SERPINB1: variants seen among roughly 807,000 people sequenced by gnomAD.
The protein encoded by SERPINB1 is serpin family B member 1, also known as leukocyte elastase inhibitor.
In SERPINB1, 23 loss-of-function variants were observed where a neutral mutation model predicts 25.9. The ratio of observed to expected loss-of-function variants is 0.89; its 90% CI spans 0.64 to 1.26. SERPINB1 has a LOEUF of 1.26. Among genes scored for constraint, SERPINB1 ranks in the 50% most tolerant of loss-of-function variants. SERPINB1 has a pLI of 0.00. For synonymous variants in SERPINB1, 178 were observed against 178.7 expected, an observed-to-expected ratio of 1.00 and a Z score of 0.03; for missense variants, 399 against 463.6, an observed-to-expected ratio of 0.86 and a Z score of 1.28.
chr6:2,839,603 G>T, intron 2 of SERPINB1: 1 of 530,590 alleles, frequency 1.9e-6, no homozygotes, highest in Non-Finnish European at 2.4e-6. Flanking sequence ...ATCCCAGGCT[G>T]CACCTTGCCA....
rs1766515669 is a variant in SERPINB1 at position 2,837,210 on chromosome 6, T to G, written c.424+672A>C. On this transcript the variant is annotated intron_variant, in intron 4 of 6. Coordinates refer to ENST00000380739, the MANE Select transcript of SERPINB1 (RefSeq NM_030666.4). This position sits in a 1 kb window ranked among gnomAD's most constrained non-coding sequence, Gnocchi z 4.3. The stretch of plus-strand genomic sequence containing the variant: ...AGGTAATTTTTGGCAGGCTGAATTC[T>G]CCTCAAAATTTTAATTCCTTTTTTG... Among the ~76,000 whole-genome samples the G allele has an allele frequency of 6.6e-6, 1 of 152,214 alleles. No individual in the cohort carries two copies. Among genetic ancestry groups the G allele is most frequent in the Non-Finnish European group, 1.5e-5 (1 of 68,042 alleles).
Position 2,833,814 on chromosome 6 carries a change from C to G in SERPINB1, c.934G>C (p.Asp312His). 6.2e-7 allele frequency: 1 copy of G among 1,614,142 alleles called. No individual in the cohort carries two copies. Among genetic ancestry groups the G allele is most frequent in the Non-Finnish European group, 8.5e-7 (1 of 1,179,990 alleles). ...TGGACAATTTTTGATATAAAAATAT[C>G]TCTGGCTCCTGACATGCCAGACAGA... Reference protein sequence around the residue: ...ADLSGMSGARDIFISKIVHKS... With the variant: ...ADLSGMSGARHIFISKIVHKS... The change falls in exon 7 of 7, where the codon GAT becomes CAT. Residue 312 changes from aspartate (D) to histidine (H), a missense_variant. By Grantham distance (81) the Asp-to-His change is moderately conservative (BLOSUM62 -1). Coordinates refer to ENST00000380739, the MANE Select transcript of SERPINB1 (RefSeq NM_030666.4).
At position 2,836,095 on chromosome 6, in the gene SERPINB1, T is replaced by G. The variant is rs374289531; in HGVS notation, c.567+13A>C. 6.2e-6 allele frequency: 10 copies of G among 1,613,872 alleles called. No homozygotes were observed. The African/African-American group carries it at 1.2e-4, about 19-fold the overall frequency. ...AGAGCAATGCATGACTCTGTACAGT[T>G]ACCTCACCTCACCTTATTCAATCTG... On this transcript the variant is annotated intron_variant, in intron 5 of 6. Coordinates refer to ENST00000380739, the MANE Select transcript of SERPINB1 (RefSeq NM_030666.4).
intron 6 of SERPINB1, among the ~76,000 whole-genome samples, chr6:2,835,123 T>C (rs1766447271): frequency 6.6e-6 from 1 of 152,182 alleles, no homozygotes; most frequent in Non-Finnish European, 1.5e-5. Flanking sequence ...CCCTTCCTGA[T>C]AGCAAGGATG....
At chr6:2,836,941 G>C (rs1301767031) in intron 4 of SERPINB1, among the ~76,000 whole-genome samples, 1 of 152,202 alleles carries the variant, frequency 6.6e-6, no homozygotes, top group Non-Finnish European at 1.5e-5. Context: ...CCATAAGTAT[G>C]GCTGGGAACA....
At chr6:2,834,687 C>T (rs1766435396) in intron 6 of SERPINB1, among the ~76,000 whole-genome samples, 1 of 152,184 alleles carries the variant, frequency 6.6e-6, no homozygotes, top group Non-Finnish European at 1.5e-5. Flanking sequence ...TAAAATATTT[C>T]TTCTATTTAG....
intron 6 of SERPINB1, among the ~76,000 whole-genome samples, chr6:2,835,478 T>C (rs1235630173): frequency 6.6e-6 from 1 of 152,164 alleles, no homozygotes; most frequent in Non-Finnish European, 1.5e-5. Flanking sequence ...GTATTATATT[T>C]AGTATAGATC....
intron 2 of SERPINB1, chr6:2,839,227 G>A (rs1766579874): frequency 2.8e-6 from 2 of 709,738 alleles, no homozygotes; most frequent in African/African-American, 1.9e-5. Flanking sequence ...CCATGTATCA[G>A]TTACAAATCA....
intron 3 of SERPINB1, 23 bp from the exon 4 acceptor site, chr6:2,838,022 AAT>A: frequency 2.0e-6 from 3 of 1,482,090 alleles, no homozygotes; most frequent in Non-Finnish European, 2.8e-6. Flanking sequence ...AGGAAAAGGA[AAT>A]ATATATATAA....
chr6:2,841,011 C>T lies in SERPINB1; in HGVS notation c.-8-417G>A, dbSNP rs1445193746. On this transcript the variant is annotated intron_variant, in intron 1 of 6. Transcript: ENST00000380739. This position sits in a 1 kb window ranked among gnomAD's most constrained non-coding sequence, Gnocchi z 4.5. ...TGATTCAAGTCTCTGATTCATTGGG[C>T]AATGAATCCATTGCCTACCTTCACC... Among the ~76,000 whole-genome samples the T allele has an allele frequency of 1.3e-5, 2 of 152,142 alleles. No homozygotes were observed. Among genetic ancestry groups the T allele is most frequent in the Admixed American group, 6.5e-5 (1 of 15,286 alleles).
In SERPINB1 at chr6:2,837,737, C is replaced by T. The variant is rs897378613; in HGVS notation, c.424+145G>A. 1.3e-5 allele frequency: 9 copies of T among 689,940 alleles called. No individual in the cohort carries two copies. In the African/African-American group the frequency reaches 1.6e-4, roughly 12 times the overall value. The allele number at this position is 689,940 out of a possible 1,614,324, so 42.7% of individuals were successfully genotyped here. A position where few individuals can be genotyped will look rare whatever the true frequency, so the allele number is the denominator to read the frequency against. On this transcript the variant is annotated intron_variant, in intron 4 of 6. Transcript: ENST00000380739. The surrounding 1 kb of genome is among the most constrained non-coding windows in gnomAD (Gnocchi z 4.3). ...AGCAACGTGCAGTGCAGACTTCACG[C>T]ACCGGCAGCGTCCTCTGACTGTAAC...
At position 2,833,642 on chromosome 6, in the gene SERPINB1, C is replaced by T. The variant is rs1381636534; in HGVS notation, c.1106G>A (p.Ser369Asn). The T allele has an allele frequency of 6.2e-7, 1 of 1,613,538 alleles. No homozygotes were observed. Among genetic ancestry groups the T allele is most frequent in the South Asian group, 1.1e-5 (1 of 91,024 alleles). ...AGAAAATCTCCCCAAGAATAGGATG[C>T]TACCTGAGGAATTATGCCGAATAAA... is the stretch of plus-strand genomic sequence containing the variant. The part of the protein sequence containing the change: ...LFFIRHNSSG[S>N]ILFLGRFSSP Residue 369 changes from serine to asparagine, a missense_variant, in exon 7 of 7, where the codon AGC becomes AAC. Ser to Asn is a conservative substitution (Grantham distance 46). Coordinates refer to ENST00000380739, the MANE Select transcript of SERPINB1 (RefSeq NM_030666.4).
Position 2,837,750 on chromosome 6 carries a change from C to T in SERPINB1, c.424+132G>A. ...GCAGACTTCACGCACCGGCAGCGTC[C>T]TCTGACTGTAACCACGATGTGCGCC... On this transcript the variant is annotated intron_variant, in intron 4 of 6. Transcript: ENST00000380739. The surrounding 1 kb of genome is among the most constrained non-coding windows in gnomAD (Gnocchi z 4.3). 1.4e-6 allele frequency: 1 copy of T among 725,540 alleles called. No homozygotes were observed. Among genetic ancestry groups the T allele is most frequent in the Non-Finnish European group, 2.4e-6 (1 of 408,708 alleles). The allele number at this position is 725,540 out of a possible 1,614,324, so 44.9% of individuals were successfully genotyped here.
At chr6:2,836,964 G>A (rs760281137) in intron 4 of SERPINB1, among the ~76,000 whole-genome samples, 147 of 152,236 alleles carry the variant, frequency 9.7e-4, no homozygotes, top group Non-Finnish European at 1.7e-3. Flanking sequence ...TCCCATAATG[G>A]AAGACAGGTC....
Position 2,838,637 on chromosome 6 carries a change from A to T in SERPINB1, c.218T>A (p.Leu73Gln). 2 of 1,610,312 alleles carry T rather than the reference A, an allele frequency of 1.2e-6. No individual in the cohort carries two copies. Among genetic ancestry groups the T allele is most frequent in the Non-Finnish European group, 1.7e-6 (2 of 1,178,336 alleles). ...TCCACGTTTGTTGATATCAGCATTC[A>T]GACTCTGGAATCTTGAATGAACCTC... The part of the protein sequence containing the change: ...VEEVHSRFQS[L>Q]NADINKRGAS... Residue 73 changes from leucine to glutamine, a missense_variant, in exon 3 of 7, where the codon CTG (leucine) becomes CAG (glutamine). Physicochemically the swap from Leu to Gln is moderately radical, Grantham distance 113. Transcript: ENST00000380739.
At chr6:2,836,309 G>C in intron 4 of SERPINB1, 59 bp from the exon 5 acceptor site, 1 of 1,504,682 alleles carries the variant, frequency 6.6e-7, no homozygotes, top group Non-Finnish European at 9.0e-7. Flanking sequence ...AATTTGAACT[G>C]ACAATATATT....
At position 2,835,994 on chromosome 6, in the gene SERPINB1, A is replaced by G; in HGVS notation, c.597T>C (p.Tyr199=). Residue 199 remains tyrosine (Y), a synonymous_variant, in exon 6 of 7, where the codon TAT becomes TAC. Coordinates refer to ENST00000380739, the MANE Select transcript of SERPINB1 (RefSeq NM_030666.4). ...KKDRKTVKMM[Y]QKKKFAYGYI... ...AGCCATATGCAAATTTTTTCTTCTG[A>G]TACATCATTTTCACAGTTTTTCTGT... is the stretch of plus-strand genomic sequence containing the variant. 6.2e-7 allele frequency: 1 copy of G among 1,614,116 alleles called. No homozygotes were observed. The highest frequency in any genetic ancestry group is 8.5e-7 in the Non-Finnish European group (1 of 1,180,008).
intron 2 of SERPINB1, chr6:2,839,202 CA>C (rs1352928830): frequency 8.0e-6 from 4 of 502,382 alleles, no homozygotes; most frequent in Non-Finnish European, 1.0e-5. Flanking sequence ...AACATTCTGG[CA>C]AAAGTTTAAT....
intron 6 of SERPINB1, 131 bp downstream of exon 6, chr6:2,835,725 T>C (rs927634840): frequency 3.0e-6 from 3 of 1,008,004 alleles, no homozygotes; most frequent in Non-Finnish European, 4.3e-6. Flanking sequence ...TAAGTGTTGA[T>C]GGGCTACATT....
Sources: allele counts gnomAD v4.1 joint callset (sites outside exome capture counted in the v4.1 genomes callset), GRCh38; gene constraint gnomAD v4.1.1; non-coding constraint Gnocchi (gnomAD v3.1); transcripts MANE v1.5; gene names NCBI Gene and HGNC (gene_info 2026-07-23, HGNC 2026-07-21).